Variants in MAML3 observed in about 807,000 individuals in gnomAD.
The protein encoded by MAML3 is mastermind-like protein 3.
MAML3 carries 27 observed loss-of-function variants against 101.9 expected under a neutral mutation model. The ratio of observed to expected loss-of-function variants is 0.27; its 90% CI spans 0.20 to 0.37. The LOEUF is 0.37. Ranked by LOEUF, MAML3 falls within the 10% of genes least tolerant of loss-of-function variation. The pLI is 1.00. For missense variants in MAML3, 1,316 were observed against 1,444.9 expected (o/e 0.91, Z 1.45); for synonymous variants, 501 against 555.9 (o/e 0.90, Z 1.39).
rs946836520 is a variant in MAML3 at position 139,727,242 on chromosome 4, A to G, written c.2332-1407T>C. Among the ~76,000 whole-genome samples the G allele has an allele frequency of 5.9e-5, 9 of 152,348 alleles. No individual in the cohort carries two copies. In the East Asian group the frequency reaches 1.4e-3, roughly 23 times the overall value. On this transcript the variant is annotated intron_variant, in intron 3 of 4. Coordinates refer to ENST00000509479, the MANE Select transcript of MAML3 (RefSeq NM_018717.5). ...TTGACCCCATCCCATGGTTCCTACC[A>G]TAATGTTCTACAGAAAACTGTTGAA...
chr4:139,834,526 G>A (rs925191749), intron 2 of MAML3, among the ~76,000 whole-genome samples: 13 of 152,238 alleles, frequency 8.5e-5, no homozygotes, highest in African/African-American at 2.9e-4. Flanking sequence ...GTCACTGGGA[G>A]CTGGCAAACG....
At chr4:139,814,984 A>C (rs1389509753) in intron 2 of MAML3, among the ~76,000 whole-genome samples, 1 of 152,244 alleles carries the variant, frequency 6.6e-6, no homozygotes, top group Non-Finnish European at 1.5e-5. Flanking sequence ...GCAGCATTAG[A>C]TAGGCCAAGG....
At chr4:139,870,445 T>C (rs530666843) in intron 2 of MAML3, among the ~76,000 whole-genome samples, 82 of 152,310 alleles carry the variant, frequency 5.4e-4, no homozygotes, top group Non-Finnish European at 9.4e-4. Context: ...TGAGAATAAC[T>C]CCATTCTTCT....
At chr4:140,022,998 A>G (rs933667955) in intron 1 of MAML3, among the ~76,000 whole-genome samples, 1 of 152,220 alleles carries the variant, frequency 6.6e-6, no homozygotes, top group African/African-American at 2.4e-5. Flanking sequence ...ATGGTCAAAT[A>G]AATCTGAGAA....
In MAML3 at chr4:140,124,517, GTGTTC is replaced by G. The variant is rs1223966599; in HGVS notation, c.468+28338_468+28342del. 3.3e-5 allele frequency among the ~76,000 whole-genome samples: 5 copies of G among 152,166 alleles called. No homozygotes were observed. The East Asian group carries it at 9.6e-4, about 29-fold the overall frequency. On this transcript the variant is annotated intron_variant, in intron 1 of 4. Coordinates refer to ENST00000509479, the MANE Select transcript of MAML3 (RefSeq NM_018717.5). The stretch of plus-strand genomic sequence containing the variant: ...TTTGGGAAAATATAACCATTAGGAA[GTGTTC>G]TCTTAAGCGTCTGGAGACCTTGCAC...
intron 2 of MAML3, among the ~76,000 whole-genome samples, chr4:139,744,845 C>T (rs1437682863): frequency 6.6e-6 from 1 of 152,186 alleles, no homozygotes; most frequent in African/African-American, 2.4e-5. Flanking sequence ...TTCCATAGAG[C>T]CAGGCTGACC....
intron 2 of MAML3, among the ~76,000 whole-genome samples, chr4:139,788,844 T>C (rs1191347417): frequency 1.3e-5 from 2 of 152,216 alleles, no homozygotes; most frequent in Non-Finnish European, 2.9e-5. Flanking sequence ...AACCTAGGGA[T>C]GGCAGAGTGG....
At chr4:140,076,170 TTA>T (rs958392948) in intron 1 of MAML3, among the ~76,000 whole-genome samples, 1 of 151,078 alleles carries the variant, frequency 6.6e-6, no homozygotes. Flanking sequence ...CCTGGCCCAT[TTA>T]TATATATATA....
At chr4:140,006,936 T>C (rs909252977) in intron 1 of MAML3, among the ~76,000 whole-genome samples, 1 of 152,152 alleles carries the variant, frequency 6.6e-6, no homozygotes, top group Non-Finnish European at 1.5e-5. Context: ...CATATACAAA[T>C]GAATATAAAC....
At chr4:140,141,951 A>G (rs1728985985) in intron 1 of MAML3, among the ~76,000 whole-genome samples, 1 of 152,246 alleles carries the variant, frequency 6.6e-6, no homozygotes, top group African/African-American at 2.4e-5. Context: ...GTGCTACAGA[A>G]ATGCTCACAT....
chr4:139,811,615 A>G (rs1730798065), intron 2 of MAML3, among the ~76,000 whole-genome samples: 1 of 152,214 alleles, frequency 6.6e-6, no homozygotes, highest in Non-Finnish European at 1.5e-5. Flanking sequence ...TTGCCAAGTA[A>G]CCTGACAATT....
chr4:139,807,081 G>A (rs900436086), intron 2 of MAML3, among the ~76,000 whole-genome samples: 22 of 152,256 alleles, frequency 1.4e-4, no homozygotes, highest in Admixed American at 5.9e-4. Context: ...GACAATATAC[G>A]TTCAGTGGCA....
At chr4:140,100,882 A>G (rs1728242628) in intron 1 of MAML3, among the ~76,000 whole-genome samples, 1 of 152,168 alleles carries the variant, frequency 6.6e-6, no homozygotes, top group African/African-American at 2.4e-5. Flanking sequence ...CTAGTGCTTA[A>G]TATGACTAAC....
At chr4:139,800,589 G>T (rs1730587049) in intron 2 of MAML3, among the ~76,000 whole-genome samples, 1 of 152,200 alleles carries the variant, frequency 6.6e-6, no homozygotes, top group South Asian at 2.1e-4. Flanking sequence ...TTCAGCTGCT[G>T]CTCAGACTTT....
chr4:139,929,818 A>G (rs939668865), intron 1 of MAML3, among the ~76,000 whole-genome samples: 6 of 152,232 alleles, frequency 3.9e-5, no homozygotes, highest in African/African-American at 1.4e-4. Context: ...TAACCATGTC[A>G]TAGGGCAACA....
intron 2 of MAML3, chr4:139,794,499 T>G (rs17050914): frequency 6.6e-6 from 1 of 152,226 alleles, no homozygotes; most frequent in Non-Finnish European, 1.5e-5. Context: ...CCTGCCTCTA[T>G]ATCAACTCCC....
intron 1 of MAML3, among the ~76,000 whole-genome samples, chr4:139,990,430 C>A (rs1280691148): frequency 2.0e-5 from 3 of 150,820 alleles, no homozygotes; most frequent in Admixed American, 2.0e-4. Context: ...TATGACAAAC[C>A]CACAGCCAAT....
At chr4:140,120,455 T>G (rs1728589573) in intron 1 of MAML3, among the ~76,000 whole-genome samples, 1 of 152,246 alleles carries the variant, frequency 6.6e-6, no homozygotes. Flanking sequence ...TGATATCATT[T>G]CTGTTTCTCT....
chr4:140,134,332 C>A (rs1156840674), intron 1 of MAML3: 1 of 456,664 alleles, frequency 2.2e-6, no homozygotes, highest in Admixed American at 2.3e-5. Context: ...CCAAGTCAAG[C>A]GAGGCAAGTC....
Sources: gnomAD v4.1 joint callset for allele counts (sites outside exome capture counted in the v4.1 genomes callset) on GRCh38, gnomAD v4.1.1 for gene constraint, MANE v1.5 for transcripts, NCBI Gene and HGNC (gene_info 2026-07-23, HGNC 2026-07-21) for gene names.